TCF12: variants seen among roughly 807,000 people sequenced by gnomAD.
TCF12 encodes transcription factor 12, also known as DNA-binding protein HTF4.
A neutral mutation model predicts 86.0 loss-of-function variants in TCF12; 45 were observed. That is an observed-to-expected ratio of 0.52 (90% confidence interval 0.41 to 0.67). TCF12 has a LOEUF of 0.67. Among genes scored for constraint, TCF12 ranks in the 30% least tolerant of loss-of-function variants. The pLI, the probability that TCF12 is intolerant of heterozygous loss-of-function variation, is 0.00. For synonymous variants in TCF12, 330 were observed against 299.6 expected (o/e 1.10, Z -1.05); for missense variants, 881 against 859.9 (o/e 1.02, Z -0.31).
intron 5 of TCF12, among the ~76,000 whole-genome samples, chr15:57,129,377 A>G (rs1290504372): frequency 2.0e-5 from 3 of 152,180 alleles, no homozygotes; most frequent in African/African-American, 7.2e-5. Context: ...CCTGGGCAAC[A>G]TTGCAAAACC....
At chr15:56,921,165 A>G in intron 3 of TCF12, 67 bp downstream of exon 3, 1 of 1,208,736 alleles carries the variant, frequency 8.3e-7, no homozygotes, top group Non-Finnish European at 1.2e-6. Flanking sequence ...AGAAAAATAG[A>G]AAGCATAACA....
intron 5 of TCF12, among the ~76,000 whole-genome samples, chr15:57,155,015 A>G (rs1268403164): frequency 6.6e-6 from 1 of 152,182 alleles, no homozygotes; most frequent in Non-Finnish European, 1.5e-5. Context: ...AGTGAGGTAG[A>G]ACTATTTTTA....
intron 3 of TCF12, among the ~76,000 whole-genome samples, chr15:57,042,203 C>T (rs114268972): frequency 0.029 from 4,430 of 151,998 alleles, 180 homozygotes; most frequent in African/African-American, 0.089. Context: ...ACTGCAACCT[C>T]TGCCTCATAT....
intron 5 of TCF12, 124 bp downstream of exon 5, chr15:57,092,015 T>C: frequency 1.0e-5 from 7 of 678,394 alleles, no homozygotes; most frequent in Non-Finnish European, 1.7e-5. Context: ...TCTAGGGGCA[T>C]CTAGGGCTTT....
intron 7 of TCF12, among the ~76,000 whole-genome samples, chr15:57,195,419 G>A (rs1488715342): frequency 6.6e-6 from 1 of 152,146 alleles, no homozygotes; most frequent in Non-Finnish European, 1.5e-5. Context: ...AAACTGGTAG[G>A]GGCAGTTCAG....
intron 4 of TCF12, among the ~76,000 whole-genome samples, chr15:57,087,946 A>G (rs576530764): frequency 2.6e-5 from 4 of 152,250 alleles, no homozygotes; most frequent in South Asian, 2.1e-4. Flanking sequence ...ACAGAATTCA[A>G]GATCTTAATT....
intron 11 of TCF12, among the ~76,000 whole-genome samples, 196 bp downstream of exon 11, chr15:57,233,052 ATG>A (rs1269212233): frequency 3.4e-4 from 48 of 140,100 alleles, no homozygotes; most frequent in African/African-American, 1.1e-3. Flanking sequence ...ATATATGTAT[ATG>A]TGTTATATAT....
chr15:57,039,792 C>T (rs1185869715), intron 3 of TCF12, among the ~76,000 whole-genome samples: 1 of 152,128 alleles, frequency 6.6e-6, no homozygotes, highest in African/African-American at 2.4e-5. Flanking sequence ...TCTTCTGGAC[C>T]TCCTAAAGGA....
intron 4 of TCF12, among the ~76,000 whole-genome samples, chr15:57,074,831 T>A (rs2069744254): frequency 6.6e-6 from 1 of 152,234 alleles, no homozygotes; most frequent in Admixed American, 6.5e-5. Context: ...AGATTTCAGT[T>A]CCTCAAATCT....
At chr15:56,934,795 A>C (rs2060395420) in intron 3 of TCF12, among the ~76,000 whole-genome samples, 1 of 152,166 alleles carries the variant, frequency 6.6e-6, no homozygotes, top group South Asian at 2.1e-4. Context: ...AGAGCCATTG[A>C]GGTAGCTTTG....
intron 8 of TCF12, among the ~76,000 whole-genome samples, chr15:57,227,445 G>T (rs1196299888): frequency 5.9e-5 from 9 of 152,114 alleles, no homozygotes; most frequent in South Asian, 2.1e-4. Context: ...TTGCCAGTTT[G>T]ACTCAAATTT....
At chr15:56,993,009 G>A (rs1408508646) in intron 3 of TCF12, among the ~76,000 whole-genome samples, 1 of 152,066 alleles carries the variant, frequency 6.6e-6, no homozygotes, top group Non-Finnish European at 1.5e-5. Context: ...AACTCTTCTG[G>A]ACTCTGCAGA....
chr15:57,166,172 C>T (rs1243149615), intron 5 of TCF12, among the ~76,000 whole-genome samples: 1 of 152,166 alleles, frequency 6.6e-6, no homozygotes, highest in African/African-American at 2.4e-5. Context: ...CCACCTCAGC[C>T]TCCCAAAGTG....
intron 6 of TCF12, among the ~76,000 whole-genome samples, chr15:57,174,810 A>G (rs1353062836): frequency 6.6e-6 from 1 of 152,224 alleles, no homozygotes; most frequent in Non-Finnish European, 1.5e-5. Flanking sequence ...TGAGGGAAGA[A>G]TGTAACAGAA....
intron 3 of TCF12, among the ~76,000 whole-genome samples, chr15:56,960,385 G>A (rs2061689589): frequency 6.7e-6 from 1 of 150,352 alleles, no homozygotes; most frequent in African/African-American, 2.4e-5. Context: ...GTATTTTGAT[G>A]TTATGTCCAA....
chr15:56,979,515 G>A (rs1246155540), intron 3 of TCF12, among the ~76,000 whole-genome samples: 1 of 152,164 alleles, frequency 6.6e-6, no homozygotes, highest in East Asian at 1.9e-4. Flanking sequence ...TATAAACTAT[G>A]GAAGGCAAAC....
intron 3 of TCF12, among the ~76,000 whole-genome samples, chr15:56,940,517 CCTCCTTCTTCTT>C (rs1286160765): frequency 8.0e-5 from 12 of 149,354 alleles, no homozygotes; most frequent in Non-Finnish European, 1.5e-4. Context: ...TTCTCCTCCT[CCTCCTTCTTCTT>C]CTCCTTCTTC....
intron 3 of TCF12, among the ~76,000 whole-genome samples, chr15:56,974,299 CAG>C (rs1318148706): frequency 6.6e-6 from 1 of 151,830 alleles, no homozygotes; most frequent in Non-Finnish European, 1.5e-5. Context: ...GACAGGAAAA[CAG>C]AGAGGAAAAA....
At chr15:56,940,641 C>CTCCTTCTCCCTCTCCTCCCTA (rs2060717302) in intron 3 of TCF12, among the ~76,000 whole-genome samples, 1 of 148,958 alleles carries the variant, frequency 6.7e-6, no homozygotes. Context: ...CCCTCTCCTT[C>CTCCTTCTCCCTCTCCTCCCTA]TCCTTCTCCC....
Sources: allele counts gnomAD v4.1 joint callset (sites outside exome capture counted in the v4.1 genomes callset), GRCh38; gene constraint gnomAD v4.1.1; transcripts MANE v1.5; gene names NCBI Gene and HGNC (gene_info 2026-07-23, HGNC 2026-07-21).